The following FHDC1 variants were observed in gnomAD, a reference collection of about 807,000 sequenced individuals.
The protein encoded by FHDC1 is FH2 domain-containing protein 1.
A neutral mutation model predicts 52.6 loss-of-function variants in FHDC1; 25 were observed. The observed-to-expected ratio is 0.48, with a 90% CI of 0.35 to 0.66. The LOEUF is 0.66. FHDC1 is among the 30% of genes least tolerant of loss of function. The probability of loss-of-function intolerance (pLI) is 0.01; values close to 1 mark genes in which losing one functional copy is unlikely to be tolerated. For missense variants in FHDC1, 1,459 were observed against 1,452.8 expected (o/e 1.00, Z -0.07); for synonymous variants, 616 against 581.5 (o/e 1.06, Z -0.85).
At chr4:152,927,163 T>G in the FHDC1 span, among the ~76,000 whole-genome samples, 1 of 152,260 alleles carries the variant, frequency 6.6e-6, no homozygotes, top group Admixed American at 6.5e-5. Context: ...AGAGGGGTTG[T>G]ATAGCCAAGG....
In FHDC1 at chr4:152,954,283, GC is replaced by G; in HGVS notation, c.628del (p.Arg210GlufsTer13). ...KSEHYGSETL[R>X]EFLKFLPESE... Reference sequence around the variant, plus strand: ...GTGAGCATTATGGATCAGAGACCTTGCGAGAATTTCTTAAGTTTTTGCCAGA... The same window carrying G: ...GTGAGCATTATGGATCAGAGACCTTGGAGAATTTCTTAAGTTTTTGCCAGA... On this transcript the variant is annotated frameshift_variant, in exon 4 of 12. Coordinates refer to ENST00000511601, the MANE Select transcript of FHDC1 (RefSeq NM_001371116.1). LOFTEE classifies it high-confidence loss of function. The G allele has an allele frequency of 6.2e-7, 1 of 1,614,186 alleles. No individual in the cohort carries two copies. The highest frequency in any genetic ancestry group is 8.5e-7 in the Non-Finnish European group (1 of 1,179,994).
In FHDC1 at chr4:152,963,143, G is replaced by T; in HGVS notation, c.1029+13G>T. ...CTTTGTTGCACAGGTATGTGGAAAT[G>T]ATTAGGACTTAGAGAACGCATATGA... On this transcript the variant is annotated intron_variant, in intron 8 of 11. Coordinates refer to ENST00000511601, the MANE Select transcript of FHDC1 (RefSeq NM_001371116.1). The T allele has an allele frequency of 6.2e-7, 1 of 1,610,584 alleles. No individual in the cohort carries two copies. The highest frequency in any genetic ancestry group is 1.1e-5 in the South Asian group (1 of 90,976).
At chr4:152,925,472 T>A in the FHDC1 span, among the ~76,000 whole-genome samples, 1 of 152,104 alleles carries the variant, frequency 6.6e-6, no homozygotes, top group African/African-American at 2.4e-5. Context: ...ATAGCTAAAT[T>A]TACATCTCAA....
chr4:152,915,047 T>C, the FHDC1 span, among the ~76,000 whole-genome samples: 1 of 152,212 alleles, frequency 6.6e-6, no homozygotes, highest in South Asian at 2.1e-4. Flanking sequence ...TTTACTGTTA[T>C]TCTCCTCCTA....
In FHDC1 at chr4:152,974,723, A is replaced by AAGGAGC. The variant is rs1319421617; in HGVS notation, c.1441_1446dup (p.Glu481_Gln482dup). On this transcript the variant is annotated inframe_insertion, in exon 12 of 12. Transcript: ENST00000511601. ...GGAGCTGAGGCAGCTGCAGAGGCTG[A>AAGGAGC]AGGAGCAGGAGCAGAAGCAGCGCTC... 1.3e-6 allele frequency: 2 copies of AAGGAGC among 1,516,312 alleles called. No homozygotes were observed. The highest frequency in any genetic ancestry group is 1.4e-5 in the African/African-American group (1 of 71,732). The allele number at this position is 1,516,312 out of a possible 1,614,324, so 93.9% of individuals were successfully genotyped here. A position where few individuals can be genotyped will look rare whatever the true frequency, so the allele number is the denominator to read the frequency against.
At chr4:152,959,417 T>C (rs1740205607) in intron 4 of FHDC1, among the ~76,000 whole-genome samples, 2 of 152,268 alleles carry the variant, frequency 1.3e-5, no homozygotes, top group South Asian at 4.1e-4. Context: ...CTCTTTTTCC[T>C]GTATTACGGG....
intron 1 of FHDC1, among the ~76,000 whole-genome samples, chr4:152,940,049 G>A (rs113048367): frequency 1.2e-3 from 181 of 152,326 alleles, no homozygotes; most frequent in African/African-American, 4.1e-3. Flanking sequence ...TCTACTGCGG[G>A]CAGTACTGCA....
At chr4:152,914,384 T>A in the FHDC1 span, among the ~76,000 whole-genome samples, 5 of 141,302 alleles carry the variant, frequency 3.5e-5, no homozygotes, top group South Asian at 1.0e-3. Flanking sequence ...CTTAGTAGTT[T>A]ATGTATGTTA....
the FHDC1 span, chr4:152,911,424 A>T: frequency 6.6e-6 from 1 of 152,286 alleles, no homozygotes. Context: ...AAGAAAGAGG[A>T]TTGGAAAGGC....
At chr4:152,917,476 G>A in the FHDC1 span, among the ~76,000 whole-genome samples, 8 of 152,068 alleles carry the variant, frequency 5.3e-5, no homozygotes, top group East Asian at 1.5e-3. Context: ...ATAAGTAAAG[G>A]ATATTTATTT....
chr4:152,968,294 T>TA (rs1491507862), intron 10 of FHDC1, among the ~76,000 whole-genome samples, 197 bp downstream of exon 10: 4 of 125,178 alleles, frequency 3.2e-5, no homozygotes, highest in Non-Finnish European at 5.8e-5. Context: ...GCCTGATATA[T>TA]TTTTTTTTTT....
Position 152,963,780 on chromosome 4 carries a change from T to G in FHDC1, c.1029+650T>G, listed in dbSNP as rs1047857537. ...CTATCCATTGCTTTGTTTTTTTTTT[T>G]TTTTTTTTTTTTTTTTTTTTTTTGA... On this transcript the variant is annotated intron_variant, in intron 8 of 11. Transcript: ENST00000511601. Among the ~76,000 whole-genome samples, 4 of 113,564 alleles carry G rather than the reference T, an allele frequency of 3.5e-5. No individual in the cohort carries two copies. In the East Asian group the frequency reaches 8.3e-4, roughly 24 times the overall value. 74.5% of individuals were successfully genotyped at this position (113,564 alleles called of 152,430 possible). A position where few individuals can be genotyped will look rare whatever the true frequency, so the allele number is the denominator to read the frequency against.
chr4:152,957,264 C>T (rs1050592482), intron 4 of FHDC1, among the ~76,000 whole-genome samples: 2 of 152,200 alleles, frequency 1.3e-5, no homozygotes, highest in African/African-American at 4.8e-5. Flanking sequence ...CCCCATGTAC[C>T]AGGCACTGAC....
rs369667409 is a variant in FHDC1, at chr4:152,976,108, G to T, written c.2817G>T (p.Trp939Cys). Residue 939 changes from tryptophan (W) to cysteine (C), a missense_variant, in exon 12 of 12, where the codon TGG (tryptophan) becomes TGT (cysteine). Physicochemically the swap from Trp to Cys is radical, Grantham distance 215 (BLOSUM62 -2). This residue lies in a region of FHDC1 where 939 missense variants were observed against 854.5 expected (regional missense o/e 1.10). Coordinates refer to ENST00000511601, the MANE Select transcript of FHDC1 (RefSeq NM_001371116.1). ...CCCCCAGCAGCACAGATACTGTGTG[G>T]TCACGCCAGAACTCCGTGCGGAGGG... ...QNPPSSTDTV[W>C]SRQNSVRRAS... The T allele has an allele frequency of 1.8e-5, 29 of 1,610,614 alleles. No individual in the cohort carries two copies. In the African/African-American group the frequency reaches 3.7e-4, roughly 21 times the overall value.
At chr4:152,965,171 G>A (rs1246479284) in intron 9 of FHDC1, among the ~76,000 whole-genome samples, 196 bp downstream of exon 9, 1 of 152,068 alleles carries the variant, frequency 6.6e-6, no homozygotes, top group Non-Finnish European at 1.5e-5. Context: ...ATCTTTATTT[G>A]TAAACTAAAG....
At chr4:152,944,990 G>A (rs1172731943) in intron 2 of FHDC1, among the ~76,000 whole-genome samples, 2 of 152,196 alleles carry the variant, frequency 1.3e-5, no homozygotes, top group Non-Finnish European at 2.9e-5. Context: ...GAATACTGAA[G>A]TAATTATTGG....
In FHDC1 at chr4:152,975,785, G is replaced by A. The variant is rs1399338494; in HGVS notation, c.2494G>A (p.Ala832Thr). 1 of 1,545,688 alleles carries A rather than the reference G, an allele frequency of 6.5e-7. No homozygotes were observed. The highest frequency in any genetic ancestry group is 8.7e-7 in the Non-Finnish European group (1 of 1,145,734). The change falls in exon 12 of 12, where the codon GCT becomes ACT. Residue 832 changes from alanine (A) to threonine (T), a missense_variant. Coordinates refer to ENST00000511601, the MANE Select transcript of FHDC1 (RefSeq NM_001371116.1). ...SNPTSSPPGEAPAPVSVDSEP... is the reference protein window; with the variant it reads ...SNPTSSPPGETPAPVSVDSEP... Reference sequence around the variant, plus strand: ...CCCTACATCCAGCCCCCCTGGGGAGGCTCCTGCCCCCGTCTCTGTGGATAG... The same window carrying A: ...CCCTACATCCAGCCCCCCTGGGGAGACTCCTGCCCCCGTCTCTGTGGATAG...
chr4:152,934,978 G>C (rs549960591), upstream of FHDC1, among the ~76,000 whole-genome samples: 1 of 152,286 alleles, frequency 6.6e-6, no homozygotes, highest in South Asian at 2.1e-4. Flanking sequence ...ACTTGAGCCT[G>C]AACAGTCAAT....
rs1161239454 is a variant in FHDC1, at chr4:152,976,728, T to A, written c.*5T>A. On this transcript the variant is annotated 3_prime_UTR_variant, in exon 12 of 12. Coordinates refer to ENST00000511601, the MANE Select transcript of FHDC1 (RefSeq NM_001371116.1). ...CTCAATCCCTTACGGAAGTGATGGGTGCCTGTCCTCTCCTGCCTCCTGGGA... is the reference window on the plus strand; with the variant it reads ...CTCAATCCCTTACGGAAGTGATGGGAGCCTGTCCTCTCCTGCCTCCTGGGA... 2.7e-6 allele frequency: 4 copies of A among 1,467,220 alleles called. No homozygotes were observed. In the East Asian group the frequency reaches 9.7e-5, roughly 36 times the overall value. The allele number at this position is 1,467,220 out of a possible 1,614,324, so 90.9% of individuals were successfully genotyped here.
Sources: gnomAD v4.1 joint callset for allele counts (sites outside exome capture counted in the v4.1 genomes callset) on GRCh38, gnomAD v4.1.1 for gene constraint, gnomAD v4.1.1 regional missense constraint, MANE v1.5 for transcripts, NCBI Gene and HGNC (gene_info 2026-07-23, HGNC 2026-07-21) for gene names.